The following FOXK1 variants were observed in gnomAD, a reference collection of about 807,000 sequenced individuals.
FOXK1 encodes the protein forkhead box K1.
FOXK1 carries 19 observed loss-of-function variants against 51.9 expected under a neutral mutation model. That is an observed-to-expected ratio of 0.37 (90% confidence interval 0.26 to 0.54). The LOEUF (loss-of-function observed/expected upper bound fraction) is 0.54, where lower values mean the gene tolerates loss of function less well. FOXK1 is among the 20% of genes least tolerant of loss of function. FOXK1 has a pLI of 0.87. For missense variants in FOXK1, 870 were observed against 1,032.7 expected, an observed-to-expected ratio of 0.84 and a Z score of 2.16; for synonymous variants, 537 against 482.6, an observed-to-expected ratio of 1.11 and a Z score of -1.48.
rs982615781 is a variant in FOXK1, at chr7:4,703,589, GA to G, written c.560+20722del. Among the ~76,000 whole-genome samples, 2 of 152,216 alleles carry G rather than the reference GA, an allele frequency of 1.3e-5. No individual in the cohort carries two copies. The highest frequency in any genetic ancestry group is 1.3e-4 in the Admixed American group (2 of 15,286). ...ACATTTTGCTCATCTTAGGGTTGGG[GA>G]CAGAACATCATTAAGAATTGTTTTT... On this transcript the variant is annotated intron_variant, in intron 1 of 8. Coordinates refer to ENST00000328914, the MANE Select transcript of FOXK1 (RefSeq NM_001037165.2). This position sits in a 1 kb window ranked among gnomAD's most constrained non-coding sequence, Gnocchi z 5.6.
Position 4,768,121 on chromosome 7 carries a change from CTTTTTTTTTTTTT to C in FOXK1, c.*5674_*5686del, listed in dbSNP as rs749703452. On this transcript the variant is annotated 3_prime_UTR_variant, in exon 9 of 9. Transcript: ENST00000328914. ...AAAAACAGACCCATTTCACTGACTT[CTTTTTTTTTTTTT>C]TTTTTTTTTTTTTTTTGAGACGGAG... The C allele has an allele frequency of 1.0e-4, 8 of 79,194 alleles. No homozygotes were observed. Among genetic ancestry groups the C allele is most frequent in the African/African-American group, 1.9e-4 (3 of 15,516 alleles). The allele number at this position is 79,194 out of a possible 1,614,324, so 4.9% of individuals were successfully genotyped here. A position where few individuals can be genotyped will look rare whatever the true frequency, so the allele number is the denominator to read the frequency against.
chr7:4,684,976 G>T (rs554875988), intron 1 of FOXK1, among the ~76,000 whole-genome samples: 213 of 138,508 alleles, frequency 1.5e-3, no homozygotes, highest in African/African-American at 5.5e-3. Flanking sequence ...TTCTCGGTGG[G>T]TGCATTACCA....
At chr7:4,752,909 C>T (rs1274274159) in intron 2 of FOXK1, among the ~76,000 whole-genome samples, 1 of 152,232 alleles carries the variant, frequency 6.6e-6, no homozygotes, top group African/African-American at 2.4e-5. Context: ...CAGTCAAAAC[C>T]TTTCTCTCCC....
chr7:4,704,450 C>CAAAAAAAAAAAAA (rs3050383), intron 1 of FOXK1, among the ~76,000 whole-genome samples: 4 of 66,438 alleles, frequency 6.0e-5, no homozygotes, highest in Non-Finnish European at 1.2e-4. Context: ...GACTCTGTCT[C>CAAAAAAAAAAAAA]AAAAAAAAAA....
At chr7:4,700,860 G>T (rs1235848534) in intron 1 of FOXK1, among the ~76,000 whole-genome samples, 2 of 152,162 alleles carry the variant, frequency 1.3e-5, no homozygotes, top group Admixed American at 6.6e-5. Flanking sequence ...CTGGCACATA[G>T]ACAGTGCTGA....
chr7:4,697,486 G>A (rs957054308), intron 1 of FOXK1, among the ~76,000 whole-genome samples: 4 of 152,276 alleles, frequency 2.6e-5, no homozygotes, highest in East Asian at 1.9e-4. Context: ...GAGCTGAGCC[G>A]GAGACCATGT....
At chr7:4,725,140 G>C (rs10247853) in intron 1 of FOXK1, among the ~76,000 whole-genome samples, 1 of 152,242 alleles carries the variant, frequency 6.6e-6, no homozygotes, top group African/African-American at 2.4e-5. Context: ...GTGCTCTCTC[G>C]CAGTTCCTGC....
At position 4,715,764 on chromosome 7, in the gene FOXK1, A is replaced by G. The variant is rs2115044019; in HGVS notation, c.561-25074A>G. Among the ~76,000 whole-genome samples the G allele has an allele frequency of 6.6e-6, 1 of 152,302 alleles. No homozygotes were observed. The highest frequency in any genetic ancestry group is 1.9e-4 in the East Asian group (1 of 5,182). On this transcript the variant is annotated intron_variant, in intron 1 of 8. Transcript: ENST00000328914. The surrounding 1 kb of genome is among the most constrained non-coding windows in gnomAD (Gnocchi z 4.5). ...GCTCCGGGCACCCTGAGGTTCCCTC[A>G]CAGCGAATCCACCGAAGAGCGCTCC...
intron 1 of FOXK1, among the ~76,000 whole-genome samples, chr7:4,690,565 C>CT (rs1193022735): frequency 6.6e-6 from 1 of 152,224 alleles, no homozygotes; most frequent in Non-Finnish European, 1.5e-5. Context: ...TTTAAGAAAA[C>CT]TTACATAGAA....
At position 4,683,083 on chromosome 7, in the gene FOXK1, G is replaced by A. The variant is rs1398998736; in HGVS notation, c.560+215G>A. 6.7e-6 allele frequency among the ~76,000 whole-genome samples: 1 copy of A among 149,008 alleles called. No individual in the cohort carries two copies. Among genetic ancestry groups the A allele is most frequent in the African/African-American group, 2.5e-5 (1 of 40,192 alleles). On this transcript the variant is annotated intron_variant, in intron 1 of 8. Coordinates refer to ENST00000328914, the MANE Select transcript of FOXK1 (RefSeq NM_001037165.2). This position sits in a 1 kb window ranked among gnomAD's most constrained non-coding sequence, Gnocchi z 4.5. ...GATCACCCCGACCCCGATCCTGGAG[G>A]CTCCAGCCTGAGGATCTCCTCCACT...
chr7:4,698,312 G>GTATA (rs992394596), intron 1 of FOXK1, among the ~76,000 whole-genome samples: 100 of 147,148 alleles, frequency 6.8e-4, no homozygotes, highest in African/African-American at 2.1e-3. Flanking sequence ...GTATGTGTGT[G>GTATA]TATATATATA....
intron 1 of FOXK1, among the ~76,000 whole-genome samples, chr7:4,689,281 G>A (rs182113898): frequency 3.9e-5 from 6 of 152,108 alleles, no homozygotes; most frequent in Admixed American, 2.0e-4. Context: ...CCCGGCCACC[G>A]GTACTTTTTT....
At position 4,733,788 on chromosome 7, in the gene FOXK1, CT is replaced by C. The variant is rs1780512649; in HGVS notation, c.561-7049del. Among the ~76,000 whole-genome samples the C allele has an allele frequency of 1.3e-5, 2 of 152,224 alleles. No homozygotes were observed. Among genetic ancestry groups the C allele is most frequent in the Admixed American group, 1.3e-4 (2 of 15,280 alleles). ...TCTGCTGTTTCTCTCACGGGAGAGGCTGCTCTGAGGTCCCCGAAGCTGCAGG... is the reference window on the plus strand; with the variant it reads ...TCTGCTGTTTCTCTCACGGGAGAGGCGCTCTGAGGTCCCCGAAGCTGCAGG... On this transcript the variant is annotated intron_variant, in intron 1 of 8. Coordinates refer to ENST00000328914, the MANE Select transcript of FOXK1 (RefSeq NM_001037165.2). This position sits in a 1 kb window ranked among gnomAD's most constrained non-coding sequence, Gnocchi z 5.0.
intron 1 of FOXK1, among the ~76,000 whole-genome samples, chr7:4,696,287 G>A (rs1030548408): frequency 3.3e-5 from 5 of 152,148 alleles, no homozygotes; most frequent in East Asian, 1.9e-4. Context: ...GCTTGCTGAT[G>A]TAGGGGAAAT....
chr7:4,717,098 G>C (rs1298059117), intron 1 of FOXK1, among the ~76,000 whole-genome samples: 1 of 150,464 alleles, frequency 6.6e-6, no homozygotes, highest in Non-Finnish European at 1.5e-5. Context: ...GGAGGCACGT[G>C]GTTGAGAGGT....
intron 1 of FOXK1, among the ~76,000 whole-genome samples, chr7:4,688,327 A>G (rs1479332485): frequency 6.7e-6 from 1 of 149,278 alleles, no homozygotes; most frequent in Non-Finnish European, 1.5e-5. Context: ...ATAATTTCTT[A>G]CTGTCCTCAA....
At chr7:4,714,767 G>T (rs760693426) in intron 1 of FOXK1, among the ~76,000 whole-genome samples, 3 of 151,956 alleles carry the variant, frequency 2.0e-5, no homozygotes, top group Admixed American at 1.3e-4. Flanking sequence ...TTTTGTTTTG[G>T]TTTTTTTTCC....
In FOXK1 at chr7:4,727,725, A is replaced by T. The variant is rs531702745; in HGVS notation, c.561-13113A>T. Among the ~76,000 whole-genome samples the T allele has an allele frequency of 2.0e-5, 3 of 152,086 alleles. No homozygotes were observed. The South Asian group carries it at 6.2e-4, about 32-fold the overall frequency. Reference sequence around the variant, plus strand: ...CTGGGCCCTGTCCCACCTTCCCGTCACTCCTCGATGTCACATCAGAGTGCT... The same window carrying T: ...CTGGGCCCTGTCCCACCTTCCCGTCTCTCCTCGATGTCACATCAGAGTGCT... On this transcript the variant is annotated intron_variant, in intron 1 of 8. Coordinates refer to ENST00000328914, the MANE Select transcript of FOXK1 (RefSeq NM_001037165.2).
At chr7:4,716,292 G>A (rs1014679395) in intron 1 of FOXK1, among the ~76,000 whole-genome samples, 1 of 151,732 alleles carries the variant, frequency 6.6e-6, no homozygotes, top group African/African-American at 2.4e-5. Flanking sequence ...TTGAAGCCAG[G>A]AGTTCAAGAC....
Sources: allele counts gnomAD v4.1 joint callset (sites outside exome capture counted in the v4.1 genomes callset), GRCh38; gene constraint gnomAD v4.1.1; non-coding constraint Gnocchi (gnomAD v3.1); transcripts MANE v1.5; gene names NCBI Gene and HGNC (gene_info 2026-07-23, HGNC 2026-07-21).